Variants in ADGB observed in about 807,000 individuals in gnomAD.
The protein encoded by ADGB is calpain-7-like protein.
ADGB carries 172 observed loss-of-function variants against 210.5 expected under a neutral mutation model. The ratio of observed to expected loss-of-function variants is 0.82; its 90% CI spans 0.72 to 0.93. The LOEUF (loss-of-function observed/expected upper bound fraction) is 0.93. ADGB is among the 40% of genes least tolerant of loss of function. The pLI, the probability that ADGB is intolerant of heterozygous loss-of-function variation, is 0.00. For missense variants in ADGB, 2,025 were observed against 1,964.8 expected (o/e 1.03, Z -0.58); for synonymous variants, 658 against 662.7 (o/e 0.99, Z 0.11).
At chr6:146,607,221 T>C (rs936077281) in intron 1 of ADGB, among the ~76,000 whole-genome samples, 1 of 152,168 alleles carries the variant, frequency 6.6e-6, no homozygotes, top group Non-Finnish European at 1.5e-5. Flanking sequence ...CATGTGGAAA[T>C]GCTACTGATT....
chr6:146,615,067 ATTTTTTT>A (rs373490088), intron 1 of ADGB, among the ~76,000 whole-genome samples: 2 of 145,778 alleles, frequency 1.4e-5, no homozygotes, highest in East Asian at 4.0e-4. Flanking sequence ...CGCCCGGCTA[ATTTTTTT>A]TTTTTTGTAT....
At position 146,788,557 on chromosome 6, in the gene ADGB, T is replaced by C. The variant is rs771674777; in HGVS notation, c.4484T>C (p.Val1495Ala). 1.9e-6 allele frequency: 3 copies of C among 1,551,482 alleles called. 1 individual carries two copies. In the South Asian group the frequency reaches 3.6e-5, roughly 18 times the overall value. Residue 1495 changes from valine to alanine, a missense_variant, in exon 33 of 36, where the codon GTG (valine) becomes GCG (alanine). Coordinates refer to ENST00000397944, the MANE Select transcript of ADGB (RefSeq NM_024694.4). ...AKSTSSESGG[V>A]SSPGKEEREQ... ...TCCACGAGTAGCGAAAGTGGAGGAG[T>C]GTCTTCACCAGGGAAAGAAGAGCGC...
At chr6:146,666,390 C>A (rs1172761657) in intron 6 of ADGB, among the ~76,000 whole-genome samples, 2 of 152,012 alleles carry the variant, frequency 1.3e-5, no homozygotes, top group Non-Finnish European at 1.5e-5. Flanking sequence ...CCCATCTTGA[C>A]TTGCCATAGA....
chr6:146,609,654 C>G (rs1158024401), intron 1 of ADGB, among the ~76,000 whole-genome samples: 1 of 152,122 alleles, frequency 6.6e-6, no homozygotes, highest in Admixed American at 6.5e-5. Context: ...TAATGAATTC[C>G]CTTAGCATAT....
intron 9 of ADGB, among the ~76,000 whole-genome samples, chr6:146,682,712 A>C (rs973224532): frequency 3.3e-5 from 5 of 152,154 alleles, no homozygotes; most frequent in Admixed American, 6.6e-5. Context: ...ATCAAAATGC[A>C]TTATGGGTGT....
At chr6:146,788,805 A>AACTAACCTGACTACTAAATATTAAC (rs1777916767) in intron 33 of ADGB, among the ~76,000 whole-genome samples, 195 bp downstream of exon 33, 1 of 152,192 alleles carries the variant, frequency 6.6e-6, no homozygotes, top group African/African-American at 2.4e-5. Flanking sequence ...TAACCAAAAG[A>AACTAACCTGACTACTAAATATTAAC]CAAAAGTGGG....
chr6:146,743,285 A>G (rs114723691), intron 25 of ADGB, among the ~76,000 whole-genome samples: 2,262 of 152,296 alleles, frequency 0.015, 54 homozygotes, highest in African/African-American at 0.052. Context: ...TAAATATACT[A>G]ATGCTAGTCT....
intron 1 of ADGB, among the ~76,000 whole-genome samples, chr6:146,629,228 G>A (rs538242545): frequency 1.6e-4 from 25 of 152,296 alleles, no homozygotes; most frequent in African/African-American, 5.1e-4. Context: ...TACTAGAGCA[G>A]TGGGTATATT....
intron 35 of ADGB, among the ~76,000 whole-genome samples, chr6:146,809,554 C>A (rs535237751): frequency 6.6e-6 from 1 of 151,398 alleles, no homozygotes; most frequent in Non-Finnish European, 1.5e-5. Context: ...GTTTCCCAGG[C>A]TGTTCTCAAA....
intron 25 of ADGB, among the ~76,000 whole-genome samples, chr6:146,742,512 A>G (rs773656102): frequency 1.3e-5 from 2 of 152,160 alleles, no homozygotes; most frequent in Non-Finnish European, 2.9e-5. Flanking sequence ...GCAGTTATCT[A>G]TATTTGGAAT....
intron 35 of ADGB, among the ~76,000 whole-genome samples, chr6:146,808,556 A>G (rs2114673355): frequency 6.6e-6 from 1 of 152,366 alleles, no homozygotes; most frequent in African/African-American, 2.4e-5. Flanking sequence ...GGCACATAGC[A>G]GGAAATTGAC....
At chr6:146,775,978 G>A (rs1051443045) in intron 29 of ADGB, among the ~76,000 whole-genome samples, 5 of 151,834 alleles carry the variant, frequency 3.3e-5, no homozygotes, top group Admixed American at 2.6e-4. Flanking sequence ...CCTAAGCACT[G>A]AATTTTAATC....
chr6:146,788,571 A>G lies in ADGB; in HGVS notation c.4498A>G (p.Lys1500Glu). 1 of 1,551,788 alleles carries G rather than the reference A, an allele frequency of 6.4e-7. No homozygotes were observed. The highest frequency in any genetic ancestry group is 8.7e-7 in the Non-Finnish European group (1 of 1,146,958). ...SESGGVSSPG[K>E]EEREQSTRKE... is the part of the protein sequence containing the mutation. Reference sequence around the variant, plus strand: ...AAGTGGAGGAGTGTCTTCACCAGGGAAAGAAGAGCGCGAGCAGAGCACACG... The same window carrying G: ...AAGTGGAGGAGTGTCTTCACCAGGGGAAGAAGAGCGCGAGCAGAGCACACG... Residue 1500 changes from lysine to glutamate, a missense_variant, in exon 33 of 36, where the codon AAA becomes GAA. Coordinates refer to ENST00000397944, the MANE Select transcript of ADGB (RefSeq NM_024694.4).
intron 35 of ADGB, among the ~76,000 whole-genome samples, chr6:146,805,990 C>T (rs1414887922): frequency 6.6e-6 from 1 of 152,150 alleles, no homozygotes; most frequent in Non-Finnish European, 1.5e-5. Context: ...TGTCCCCAGA[C>T]CTTCAGAGGA....
At chr6:146,662,886 A>T in intron 5 of ADGB, among the ~76,000 whole-genome samples, 1 of 149,050 alleles carries the variant, frequency 6.7e-6, no homozygotes, top group Non-Finnish European at 1.5e-5. Flanking sequence ...TGCTACCCAG[A>T]TAATAAGACT....
chr6:146,750,631 A>C (rs968284243), intron 26 of ADGB, among the ~76,000 whole-genome samples: 1 of 152,184 alleles, frequency 6.6e-6, no homozygotes, highest in African/African-American at 2.4e-5. Context: ...ATTTCTAGAG[A>C]AATTAAAAGT....
rs1776349566 is a variant in ADGB, at chr6:146,692,832, A to C, written c.1494A>C (p.Ile498=). The change falls in exon 12 of 36, where the codon ATA becomes ATC. Residue 498 remains isoleucine (I), a synonymous_variant. Coordinates refer to ENST00000397944, the MANE Select transcript of ADGB (RefSeq NM_024694.4). ...TVITDEAQEL[I]VKKPERFLEI... Reference sequence around the variant, plus strand: ...CTAACTGCTACTTTTTAGAGTTAATAGTAAAGAAGCCTGAACGGTTCCTTG... The same window carrying C: ...CTAACTGCTACTTTTTAGAGTTAATCGTAAAGAAGCCTGAACGGTTCCTTG... The C allele has an allele frequency of 6.6e-7, 1 of 1,515,970 alleles. No homozygotes were observed. Among genetic ancestry groups the C allele is most frequent in the Non-Finnish European group, 8.9e-7 (1 of 1,126,050 alleles). The allele number at this position is 1,515,970 out of a possible 1,614,324, so 93.9% of individuals were successfully genotyped here. A position where few individuals can be genotyped will look rare whatever the true frequency, so the allele number is the denominator to read the frequency against.
intron 35 of ADGB, among the ~76,000 whole-genome samples, chr6:146,809,266 C>T (rs1187651024): frequency 6.6e-6 from 1 of 152,292 alleles, no homozygotes; most frequent in Non-Finnish European, 1.5e-5. Context: ...AGTGCAATGG[C>T]GCAATCTCGG....
intron 1 of ADGB, among the ~76,000 whole-genome samples, chr6:146,622,590 G>T (rs79665959): frequency 0.019 from 2,943 of 152,138 alleles, 41 homozygotes; most frequent in Middle Eastern, 0.058. Context: ...TGATCAAATA[G>T]CTTGCCAATT....
Sources: gnomAD v4.1 joint callset for allele counts (sites outside exome capture counted in the v4.1 genomes callset) on GRCh38, gnomAD v4.1.1 for gene constraint, MANE v1.5 for transcripts, NCBI Gene and HGNC (gene_info 2026-07-23, HGNC 2026-07-21) for gene names.